Variants in ZNF407 observed in about 807,000 individuals in gnomAD.
The protein encoded by ZNF407 is zinc finger protein 407.
In ZNF407, 17 loss-of-function variants were observed where a neutral mutation model predicts 131.2. That is an observed-to-expected ratio of 0.13 (90% CI 0.09 to 0.19). The LOEUF (loss-of-function observed/expected upper bound fraction) is 0.19. Ranked by LOEUF, ZNF407 falls within the 10% of genes least tolerant of loss-of-function variation. ZNF407 has a pLI of 1.00. For synonymous variants in ZNF407, 1,156 were observed against 1,062.0 expected, an observed-to-expected ratio of 1.09 and a Z score of -1.72; for missense variants, 2,681 against 2,830.6, an observed-to-expected ratio of 0.95 and a Z score of 1.20.
chr18:74,669,386 C>T (rs1050067299), intron 3 of ZNF407, among the ~76,000 whole-genome samples: 8 of 152,188 alleles, frequency 5.3e-5, no homozygotes, highest in Admixed American at 5.2e-4. Context: ...TCCTTTCTTC[C>T]TCAGTGGTCC....
intron 3 of ZNF407, among the ~76,000 whole-genome samples, chr18:74,767,160 C>T (rs1290676824): frequency 1.3e-5 from 2 of 152,134 alleles, no homozygotes; most frequent in Non-Finnish European, 2.9e-5. Flanking sequence ...GATCCACCTG[C>T]GTCGGCCTCC....
intron 8 of ZNF407, chr18:75,062,049 C>T (rs1056646727): frequency 3.3e-5 from 5 of 152,284 alleles, no homozygotes. Context: ...CCTTGGGCAA[C>T]CTGCTCTGTG....
chr18:74,696,361 A>C (rs914516269), intron 3 of ZNF407, among the ~76,000 whole-genome samples: 3 of 152,254 alleles, frequency 2.0e-5, no homozygotes, highest in Non-Finnish European at 4.4e-5. Context: ...TTGGAACATG[A>C]AAGTTTCCTG....
At chr18:74,884,141 A>G (rs1971276158) in intron 6 of ZNF407, among the ~76,000 whole-genome samples, 1 of 152,240 alleles carries the variant, frequency 6.6e-6, no homozygotes, top group South Asian at 2.1e-4. Context: ...ATATCTTTTC[A>G]TATAATGTAT....
Position 75,027,224 on chromosome 18 carries a change from A to G in ZNF407, c.5429-35926A>G, listed in dbSNP as rs955008182. ...GCAGAGTGAGCTGTGCGGCACATTC[A>G]AGGCAACAAGTGAGCCAACCAGTGT... On this transcript the variant is annotated intron_variant, in intron 8 of 8. Transcript: ENST00000299687. Among the ~76,000 whole-genome samples the G allele has an allele frequency of 3.9e-5, 6 of 152,212 alleles. No individual in the cohort carries two copies. In the East Asian group the frequency reaches 1.2e-3, roughly 29 times the overall value.
At chr18:74,861,361 T>A (rs1316389614) in intron 4 of ZNF407, among the ~76,000 whole-genome samples, 1 of 152,210 alleles carries the variant, frequency 6.6e-6, no homozygotes, top group Non-Finnish European at 1.5e-5. Flanking sequence ...TTAGTTTGCT[T>A]CTAGTCACTG....
intron 8 of ZNF407, among the ~76,000 whole-genome samples, chr18:74,939,488 A>C (rs1972073693): frequency 6.6e-6 from 1 of 152,138 alleles, no homozygotes; most frequent in Admixed American, 6.5e-5. Context: ...ATGTATAGAA[A>C]CCTCCTTTGA....
At chr18:74,851,907 A>C (rs1970789384) in intron 4 of ZNF407, among the ~76,000 whole-genome samples, 1 of 152,178 alleles carries the variant, frequency 6.6e-6, no homozygotes, top group Non-Finnish European at 1.5e-5. Flanking sequence ...CAAAAGTTAG[A>C]GCAGTCTATC....
intron 8 of ZNF407, among the ~76,000 whole-genome samples, chr18:74,986,158 A>G (rs1395753766): frequency 6.6e-6 from 1 of 152,134 alleles, no homozygotes. Context: ...CAGTTTCACC[A>G]TAAGACAGAC....
chr18:74,793,348 A>C (rs986469994), intron 4 of ZNF407, among the ~76,000 whole-genome samples: 1 of 152,240 alleles, frequency 6.6e-6, no homozygotes, highest in Non-Finnish European at 1.5e-5. Context: ...TGTTAAATTC[A>C]CAAGTGTTTA....
intron 3 of ZNF407, among the ~76,000 whole-genome samples, chr18:74,777,729 C>T (rs1193674707): frequency 2.3e-5 from 2 of 87,178 alleles, no homozygotes; most frequent in African/African-American, 3.0e-5. Flanking sequence ...TGATCGATCG[C>T]ACTCTCTCTC....
intron 4 of ZNF407, among the ~76,000 whole-genome samples, chr18:74,841,725 C>G (rs1375972765): frequency 6.6e-6 from 1 of 152,154 alleles, no homozygotes; most frequent in Non-Finnish European, 1.5e-5. Flanking sequence ...TGTTTTAGAG[C>G]AACACTGATG....
At chr18:74,808,940 T>G (rs1345625834) in intron 4 of ZNF407, among the ~76,000 whole-genome samples, 1 of 152,174 alleles carries the variant, frequency 6.6e-6, no homozygotes, top group Admixed American at 6.5e-5. Context: ...GGGGAATAAA[T>G]GTAGAATTTT....
intron 8 of ZNF407, chr18:75,060,442 G>C (rs1226302439): frequency 6.6e-6 from 1 of 151,958 alleles, no homozygotes; most frequent in Non-Finnish European, 1.5e-5. Context: ...GTACACAGGA[G>C]TATCTCCTGG....
chr18:74,865,865 T>A (rs1282934808), intron 4 of ZNF407, among the ~76,000 whole-genome samples: 1 of 152,220 alleles, frequency 6.6e-6, no homozygotes, highest in African/African-American at 2.4e-5. Context: ...ACCTCACATA[T>A]GTGTGTATTC....
At position 74,632,178 on chromosome 18, in the gene ZNF407, A is replaced by G; in HGVS notation, c.1159A>G (p.Thr387Ala). The change falls in exon 2 of 9, where the codon ACC becomes GCC. Residue 387 changes from threonine (T) to alanine (A), a missense_variant. Physicochemically the swap from Thr to Ala is moderately conservative, Grantham distance 58 (BLOSUM62 0). Around this residue, in one of 6 missense-constraint regions of ZNF407, gnomAD observed 1,789 missense variants for 1,748.7 expected, o/e 1.02. Transcript: ENST00000299687. The stretch of plus-strand genomic sequence containing the variant: ...GAGTAGAAAGCTAGACACCTTAGTA[A>G]CCTCAGAGGGTCTCTTAGAGAAATT... ...NQSRKLDTLV[T>A]SEGLLEKLES... 1 of 1,613,930 alleles carries G rather than the reference A, an allele frequency of 6.2e-7. No individual in the cohort carries two copies. Among genetic ancestry groups the G allele is most frequent in the Non-Finnish European group, 8.5e-7 (1 of 1,179,886 alleles).
intron 8 of ZNF407, among the ~76,000 whole-genome samples, chr18:75,011,579 TATTC>T (rs1479116237): frequency 6.6e-6 from 1 of 152,098 alleles, no homozygotes; most frequent in Non-Finnish European, 1.5e-5. Flanking sequence ...AGTAAGAAAA[TATTC>T]ATCCATTTAA....
At chr18:74,619,538 C>T (rs1983434953) in intron 1 of ZNF407, among the ~76,000 whole-genome samples, 1 of 152,044 alleles carries the variant, frequency 6.6e-6, no homozygotes, top group African/African-American at 2.4e-5. Flanking sequence ...TCTTGGAATG[C>T]CTTTTTTATG....
At chr18:74,844,705 A>G (rs1353245620) in intron 4 of ZNF407, among the ~76,000 whole-genome samples, 1 of 152,162 alleles carries the variant, frequency 6.6e-6, no homozygotes, top group African/African-American at 2.4e-5. Context: ...GCAGAATTAT[A>G]TATTTAGAGT....
Sources: gnomAD v4.1 joint callset for allele counts (sites outside exome capture counted in the v4.1 genomes callset) on GRCh38, gnomAD v4.1.1 for gene constraint, gnomAD v4.1.1 regional missense constraint, MANE v1.5 for transcripts, NCBI Gene and HGNC (gene_info 2026-07-23, HGNC 2026-07-21) for gene names.